ZC3H12B: variants seen among roughly 807,000 people sequenced by gnomAD.
ZC3H12B encodes the protein zinc finger CCCH-type containing 12B.
Under a neutral mutation model 43.9 loss-of-function variants are expected in ZC3H12B, and 7 were observed. The observed-to-expected ratio is 0.16, with a 90% CI of 0.09 to 0.30. ZC3H12B has a LOEUF of 0.30. Among genes scored for constraint, ZC3H12B ranks in the 10% least tolerant of loss-of-function variants. The pLI, the probability that ZC3H12B is intolerant of heterozygous loss-of-function variation, is 1.00. For missense variants in ZC3H12B, 475 were observed against 670.2 expected, an observed-to-expected ratio of 0.71 and a Z score of 3.22; for synonymous variants, 222 against 241.7, an observed-to-expected ratio of 0.92 and a Z score of 0.76.
the ZC3H12B span, among the ~76,000 whole-genome samples, chrX:65,178,653 T>C: frequency 8.9e-6 from 1 of 112,330 alleles, no homozygotes; most frequent in African/African-American, 3.2e-5. Flanking sequence ...AAGAAACATA[T>C]GAAGAAAAGC....
the ZC3H12B span, among the ~76,000 whole-genome samples, chrX:65,302,643 A>T: frequency 8.9e-6 from 1 of 112,099 alleles, no homozygotes; most frequent in Non-Finnish European, 1.9e-5. Flanking sequence ...TTGTTTTATG[A>T]ATATTGACAA....
chrX:65,276,732 G>T, the ZC3H12B span, among the ~76,000 whole-genome samples: 2 of 111,591 alleles, frequency 1.8e-5, no homozygotes, highest in Non-Finnish European at 3.8e-5. Flanking sequence ...AAAACTCACT[G>T]GTAGAGCTGA....
At chrX:65,181,280 A>C in the ZC3H12B span, among the ~76,000 whole-genome samples, 1 of 112,319 alleles carries the variant, frequency 8.9e-6, no homozygotes. Flanking sequence ...GTTAAATATA[A>C]ATCCTAAAAT....
chrX:65,434,379 A>G (rs1232771999), intron 3 of ZC3H12B, among the ~76,000 whole-genome samples: 1 of 112,178 alleles, frequency 8.9e-6, no homozygotes, highest in Non-Finnish European at 1.9e-5. Flanking sequence ...CCCTTCCTCT[A>G]TGTTAAAACA....
chrX:65,084,186 A>ACATT, the ZC3H12B span, among the ~76,000 whole-genome samples: 124 of 112,283 alleles, frequency 1.1e-3, no homozygotes, highest in African/African-American at 3.8e-3. Flanking sequence ...AATCTGCAGG[A>ACATT]CATTGGTCTG....
chrX:65,101,445 A>C, the ZC3H12B span, among the ~76,000 whole-genome samples: 34 of 112,024 alleles, frequency 3.0e-4, no homozygotes, highest in African/African-American at 1.0e-3. Context: ...AAATCAATGA[A>C]TCGAGGAGCT....
At chrX:65,277,252 G>A in the ZC3H12B span, among the ~76,000 whole-genome samples, 11 of 111,742 alleles carry the variant, frequency 9.8e-5, no homozygotes, top group Non-Finnish European at 1.9e-4. Flanking sequence ...GAGATAGACT[G>A]TAATACGGTA....
At chrX:65,127,717 G>T in the ZC3H12B span, among the ~76,000 whole-genome samples, 3 of 110,702 alleles carry the variant, frequency 2.7e-5, no homozygotes, top group Non-Finnish European at 5.7e-5. Context: ...CGGAGGATGG[G>T]GATATGGTTC....
rs946835850 is a variant in ZC3H12B at position 65,369,013 on chromosome X, G to GGTT, written n.295+30_295+32dup. 2 of 111,632 alleles carry GGTT rather than the reference G, an allele frequency of 1.8e-5. No individual in the cohort carries two copies. Among genetic ancestry groups the GGTT allele is most frequent in the Admixed American group, 9.6e-5 (1 of 10,459 alleles). The allele number at this position is 111,632 out of a possible 1,213,427, so 9.2% of individuals were successfully genotyped here. A position where few individuals can be genotyped will look rare whatever the true frequency, so the allele number is the denominator to read the frequency against. On this transcript the variant is annotated intron_variant and non_coding_transcript_variant, in intron 2 of 5. Coordinates refer to the ZC3H12B transcript ENST00000617377. ...GGTGTTAAGAGGTGGGTACTTTAGT[G>GGTT]GTTGTTGTTGTTGTTGTGTGTGTGT... is the stretch of plus-strand genomic sequence containing the variant.
At chrX:65,065,125 C>G in the ZC3H12B span, among the ~76,000 whole-genome samples, 3 of 111,130 alleles carry the variant, frequency 2.7e-5, no homozygotes, top group African/African-American at 9.9e-5. Context: ...TTAATTGGAG[C>G]ATTTAGCCCA....
At chrX:65,450,718 T>TAC (rs1294663810) in intron 3 of ZC3H12B, among the ~76,000 whole-genome samples, 2 of 40,774 alleles carry the variant, frequency 4.9e-5, no homozygotes, top group Non-Finnish European at 6.5e-5. Context: ...TGTATATGTA[T>TAC]ACATATGTGT....
the ZC3H12B span, among the ~76,000 whole-genome samples, chrX:65,340,247 G>T: frequency 1.8e-5 from 2 of 112,285 alleles, no homozygotes; most frequent in Admixed American, 1.9e-4. Context: ...ACAGTTGCCA[G>T]TGGGGGCATC....
chrX:65,500,809 T>C (rs766622674), intron 4 of ZC3H12B, among the ~76,000 whole-genome samples: 1 of 110,628 alleles, frequency 9.0e-6, no homozygotes, highest in African/African-American at 3.3e-5. Flanking sequence ...GTCCCTCTGA[T>C]ACAACGTTTG....
chrX:65,281,921 G>A, the ZC3H12B span, among the ~76,000 whole-genome samples: 1 of 111,618 alleles, frequency 9.0e-6, no homozygotes, highest in South Asian at 3.7e-4. Context: ...ACAATCAAAT[G>A]ATATTTATCC....
the ZC3H12B span, chrX:65,271,454 A>G: frequency 1.8e-5 from 2 of 112,869 alleles, no homozygotes; most frequent in Non-Finnish European, 3.7e-5. Context: ...AAAGGGTGGC[A>G]TTCTTCACAT....
exon 1 of ZC3H12B, chrX:65,489,241 G>A (rs1014816368): frequency 8.3e-7 from 1 of 1,211,734 alleles, no homozygotes; most frequent in Admixed American, 2.2e-5. Context: ...GAGCTTGTCA[G>A]ACTTGGGAAC....
the ZC3H12B span, among the ~76,000 whole-genome samples, chrX:65,161,014 A>T: frequency 9.0e-6 from 1 of 110,634 alleles, no homozygotes; most frequent in Non-Finnish European, 1.9e-5. Flanking sequence ...TCATTTTGTT[A>T]TGTACCCAGT....
chrX:65,398,535 T>C (rs1442062522), intron 2 of ZC3H12B, 58 bp from the exon 5 acceptor site: 1 of 111,221 alleles, frequency 9.0e-6, no homozygotes, highest in Non-Finnish European at 1.9e-5. Flanking sequence ...TGAGATCTGA[T>C]GGCTTAAAAG....
At chrX:65,422,100 C>G (rs758020738) in intron 3 of ZC3H12B, among the ~76,000 whole-genome samples, 6 of 111,556 alleles carry the variant, frequency 5.4e-5, no homozygotes, top group Non-Finnish European at 9.4e-5. Context: ...GGTGGGAATA[C>G]TTTTCAGGGC....
Sources: allele counts gnomAD v4.1 joint callset (sites outside exome capture counted in the v4.1 genomes callset), GRCh38; gene constraint gnomAD v4.1.1; transcripts MANE v1.5; gene names NCBI Gene and HGNC (gene_info 2026-07-23, HGNC 2026-07-21).